The following CAMK1D variants were observed in gnomAD, a reference collection of about 807,000 sequenced individuals.
The protein encoded by CAMK1D is calcium/calmodulin dependent protein kinase ID.
CAMK1D carries 9 observed loss-of-function variants against 47.7 expected under a neutral mutation model. The ratio of observed to expected loss-of-function variants is 0.19; its 90% CI spans 0.11 to 0.33. The LOEUF is 0.33. Among genes scored for constraint, CAMK1D ranks in the 10% least tolerant of loss-of-function variants. The probability of loss-of-function intolerance (pLI) is 1.00; values close to 1 mark genes in which losing one functional copy is unlikely to be tolerated. For synonymous variants in CAMK1D, 184 were observed against 184.9 expected, an observed-to-expected ratio of 0.99 and a Z score of 0.04; for missense variants, 291 against 488.7, an observed-to-expected ratio of 0.60 and a Z score of 3.81.
At position 12,558,177 on chromosome 10, in the gene CAMK1D, C is replaced by T. The variant is rs745843967; in HGVS notation, c.224+4821C>T. ...TTATGCGGTATGGAATAAACATCAT[C>T]GGTGTTATTCTCTTTGGGTTGGATT... On this transcript the variant is annotated intron_variant, in intron 2 of 10. Transcript: ENST00000619168. Among the ~76,000 whole-genome samples, 9 of 152,314 alleles carry T rather than the reference C, an allele frequency of 5.9e-5. No homozygotes were observed. The East Asian group carries it at 9.6e-4, about 16-fold the overall frequency.
At chr10:12,467,094 G>C (rs1833614263) in intron 1 of CAMK1D, among the ~76,000 whole-genome samples, 1 of 152,040 alleles carries the variant, frequency 6.6e-6, no homozygotes, top group Admixed American at 6.6e-5. Flanking sequence ...GGAATGGGTA[G>C]ATGCTGCCAT....
At chr10:12,497,336 G>T (rs1834571061) in intron 1 of CAMK1D, among the ~76,000 whole-genome samples, 1 of 152,070 alleles carries the variant, frequency 6.6e-6, no homozygotes, top group East Asian at 1.9e-4. Context: ...AATTAGCCTG[G>T]TGTGGTAGTG....
At chr10:12,643,131 A>G (rs941950886) in intron 2 of CAMK1D, among the ~76,000 whole-genome samples, 12 of 152,072 alleles carry the variant, frequency 7.9e-5, no homozygotes, top group African/African-American at 2.4e-4. Flanking sequence ...CAGCCTGAGT[A>G]GCTGGAATTA....
At chr10:12,469,244 A>G (rs1394057518) in intron 1 of CAMK1D, among the ~76,000 whole-genome samples, 1 of 152,014 alleles carries the variant, frequency 6.6e-6, no homozygotes, top group African/African-American at 2.4e-5. Flanking sequence ...AGGGAGAGAA[A>G]AGCCACCCAG....
At chr10:12,613,111 G>C (rs188091846) in intron 2 of CAMK1D, among the ~76,000 whole-genome samples, 1 of 152,142 alleles carries the variant, frequency 6.6e-6, no homozygotes, top group Admixed American at 6.5e-5. Context: ...ATTAACTCCA[G>C]TCTTGTCCAA....
At chr10:12,473,167 A>G (rs1036599194) in intron 1 of CAMK1D, among the ~76,000 whole-genome samples, 1 of 152,188 alleles carries the variant, frequency 6.6e-6, no homozygotes, top group African/African-American at 2.4e-5. Flanking sequence ...CAGGTGTGGC[A>G]TGCTGGGGCA....
intron 1 of CAMK1D, among the ~76,000 whole-genome samples, chr10:12,529,185 G>A (rs1835725287): frequency 6.6e-6 from 1 of 152,166 alleles, no homozygotes; most frequent in South Asian, 2.1e-4. Flanking sequence ...AGGCACAGAT[G>A]TCCCAAGCAC....
intron 3 of CAMK1D, among the ~76,000 whole-genome samples, chr10:12,687,236 G>A (rs1252445272): frequency 6.6e-6 from 1 of 150,514 alleles, no homozygotes; most frequent in African/African-American, 2.5e-5. Context: ...GTTGATTCAG[G>A]ACCAGCTATT....
At chr10:12,738,408 T>A (rs1366884465) in intron 3 of CAMK1D, among the ~76,000 whole-genome samples, 1 of 152,200 alleles carries the variant, frequency 6.6e-6, no homozygotes, top group Non-Finnish European at 1.5e-5. Context: ...CTGTCGTCGT[T>A]TGTCCAGTGC....
At chr10:12,512,457 G>A (rs1835067788) in intron 1 of CAMK1D, among the ~76,000 whole-genome samples, 2 of 152,192 alleles carry the variant, frequency 1.3e-5, no homozygotes, top group African/African-American at 4.8e-5. Context: ...ATGCAGTGAT[G>A]CAATCTCGGC....
chr10:12,826,788 C>T (rs926892876), intron 10 of CAMK1D, among the ~76,000 whole-genome samples: 2 of 152,230 alleles, frequency 1.3e-5, no homozygotes, highest in African/African-American at 2.4e-5. Context: ...TACCATAGCT[C>T]CCCTTTCACC....
intron 2 of CAMK1D, among the ~76,000 whole-genome samples, chr10:12,574,468 A>AT (rs1171556305): frequency 0.28 from 17,226 of 61,214 alleles, 4,221 homozygotes; most frequent in Middle Eastern, 0.33. Flanking sequence ...CGCCTAGCTA[A>AT]TTTTTTTTTT....
chr10:12,693,988 T>TAAA (rs1833054364), intron 3 of CAMK1D, among the ~76,000 whole-genome samples: 1 of 56,492 alleles, frequency 1.8e-5, no homozygotes, highest in Non-Finnish European at 3.2e-5. Context: ...ATATTATATA[T>TAAA]ACATATAATA....
In CAMK1D at chr10:12,764,178, C is replaced by G. The variant is rs190611260; in HGVS notation, c.438+3092C>G. ...GGTGGATTGCGTGAGGTCAGGAGTTCGAGACCAGCCTGACCAACATGGTGA... is the reference window on the plus strand; with the variant it reads ...GGTGGATTGCGTGAGGTCAGGAGTTGGAGACCAGCCTGACCAACATGGTGA... On this transcript the variant is annotated intron_variant, in intron 4 of 10. Coordinates refer to ENST00000619168, the MANE Select transcript of CAMK1D (RefSeq NM_153498.4). Among the ~76,000 whole-genome samples the G allele has an allele frequency of 2.9e-4, 44 of 152,082 alleles. No individual in the cohort carries two copies. In the East Asian group the frequency reaches 8.5e-3, roughly 29 times the overall value.
At chr10:12,421,835 G>C (rs1338677714) in intron 1 of CAMK1D, among the ~76,000 whole-genome samples, 1 of 140,636 alleles carries the variant, frequency 7.1e-6, no homozygotes, top group Admixed American at 7.2e-5. Flanking sequence ...TTATTTTTTT[G>C]AGACAGAGTC....
At chr10:12,781,151 G>A (rs1389807123) in intron 5 of CAMK1D, among the ~76,000 whole-genome samples, 1 of 152,200 alleles carries the variant, frequency 6.6e-6, no homozygotes. Flanking sequence ...TTTTGTCGTG[G>A]TGGGAAAGAG....
chr10:12,819,245 G>GC (rs1017793482), intron 8 of CAMK1D, among the ~76,000 whole-genome samples: 5 of 152,024 alleles, frequency 3.3e-5, no homozygotes, highest in African/African-American at 7.2e-5. Context: ...GAGAAGGCTT[G>GC]CCCCAGGCCA....
At chr10:12,352,293 G>A (rs957264022) in intron 1 of CAMK1D, among the ~76,000 whole-genome samples, 22 of 152,148 alleles carry the variant, frequency 1.4e-4, no homozygotes, top group African/African-American at 9.7e-5. Context: ...TATTTGGAAC[G>A]CGAACTTTAA....
intron 1 of CAMK1D, among the ~76,000 whole-genome samples, chr10:12,476,556 A>C (rs186645324): frequency 6.6e-6 from 1 of 152,300 alleles, no homozygotes; most frequent in East Asian, 1.9e-4. Context: ...TTAGATCCTT[A>C]CTCAGCGAAG....
Sources: gnomAD v4.1 joint callset for allele counts (sites outside exome capture counted in the v4.1 genomes callset) on GRCh38, gnomAD v4.1.1 for gene constraint, MANE v1.5 for transcripts, NCBI Gene and HGNC (gene_info 2026-07-23, HGNC 2026-07-21) for gene names.